The following FLNC variants were observed in gnomAD, a reference collection of about 807,000 sequenced individuals.
FLNC encodes filamin-C.
FLNC carries 91 observed loss-of-function variants against 254.3 expected under a neutral mutation model. The observed-to-expected ratio is 0.36, with a 90% confidence interval of 0.30 to 0.43. The LOEUF (loss-of-function observed/expected upper bound fraction) is 0.43, where lower values mean the gene tolerates loss of function less well. FLNC is among the 20% of genes least tolerant of loss of function. The pLI is 1.00. For missense variants in FLNC, 2,853 were observed against 3,802.6 expected (o/e 0.75, Z 6.57); for synonymous variants, 1,430 against 1,577.2 (o/e 0.91, Z 2.21).
In FLNC at chr7:128,858,375, C is replaced by G. The variant is rs1809159973; in HGVS notation, c.8030C>G (p.Thr2677Ser). The G allele has an allele frequency of 6.3e-7, 1 of 1,583,806 alleles. No individual in the cohort carries two copies. The highest frequency in any genetic ancestry group is 1.4e-5 in the African/African-American group (1 of 73,996). Residue 2677 changes from threonine to serine, a missense_variant, in exon 48 of 48, where the codon ACC (threonine) becomes AGC (serine). By Grantham distance (58) the Thr-to-Ser change is moderately conservative (BLOSUM62 1). Coordinates refer to ENST00000325888, the MANE Select transcript of FLNC (RefSeq NM_001458.5). The surrounding 1 kb of genome is among the most constrained non-coding windows in gnomAD (Gnocchi z 6.7). ...ATGGTGGGCGTGCACGGCCCCAAGA[C>G]CCCCTGTGAGGAGGTGTACGTGAAG... Reference protein sequence around the residue: ...MMMVGVHGPKTPCEEVYVKHM... With the variant: ...MMMVGVHGPKSPCEEVYVKHM...
chr7:128,846,569 C>T, intron 23 of FLNC, 106 bp downstream of exon 23: 2 of 1,470,806 alleles, frequency 1.4e-6, no homozygotes, highest in Non-Finnish European at 1.9e-6. Flanking sequence ...CATCCTCTCT[C>T]AGGGGTGAGG....
chr7:128,838,888 TCTG>T, intron 8 of FLNC, 85 bp downstream of exon 8: 1 of 1,301,428 alleles, frequency 7.7e-7, no homozygotes, highest in Non-Finnish European at 1.1e-6. Context: ...GGGGCGGGGG[TCTG>T]CAGAGACCCC....
rs766580034 is a variant in FLNC, at chr7:128,850,788, GTGTC to G, written c.5399-12_5399-9del. 8.7e-6 allele frequency: 14 copies of G among 1,613,600 alleles called. No individual in the cohort carries two copies. Among genetic ancestry groups the G allele is most frequent in the Non-Finnish European group, 1.2e-5 (14 of 1,180,030 alleles). On this transcript the variant is annotated splice_polypyrimidine_tract_variant and intron_variant, in intron 32 of 47. Coordinates refer to ENST00000325888, the MANE Select transcript of FLNC (RefSeq NM_001458.5). Reference sequence around the variant, plus strand: ...GGGAAACCAGGGTCTCCACGTAACTGTGTCTGCCCTGCAGGAGAGGTGCGGATGC... The same window carrying G: ...GGGAAACCAGGGTCTCCACGTAACTGTGCCCTGCAGGAGAGGTGCGGATGC...
Position 128,857,410 on chromosome 7 carries a change from C to T in FLNC, c.7780+74C>T. The T allele has an allele frequency of 2.2e-6, 2 of 900,946 alleles. No homozygotes were observed. Among genetic ancestry groups the T allele is most frequent in the Non-Finnish European group, 3.6e-6 (2 of 555,974 alleles). The allele number at this position is 900,946 out of a possible 1,614,324, so 55.8% of individuals were successfully genotyped here. On this transcript the variant is annotated intron_variant, in intron 46 of 47. Transcript: ENST00000325888. This position sits in a 1 kb window ranked among gnomAD's most constrained non-coding sequence, Gnocchi z 4.5. Reference sequence around the variant, plus strand: ...CCTGGAGGGCTCCGGTGGCCACGCACATCTAGGCCATAGTCTGCCCCCAGA... The same window carrying T: ...CCTGGAGGGCTCCGGTGGCCACGCATATCTAGGCCATAGTCTGCCCCCAGA...
At chr7:128,846,668 C>A in intron 23 of FLNC, 77 bp from the exon 24 acceptor site, 1 of 1,483,110 alleles carries the variant, frequency 6.7e-7, no homozygotes, top group Non-Finnish European at 9.2e-7. Flanking sequence ...CTCTTTCCTC[C>A]CTGTCCCCCC....
chr7:128,852,405 C>T (rs542569821), intron 35 of FLNC, among the ~76,000 whole-genome samples, 186 bp from the exon 36 acceptor site: 4 of 152,322 alleles, frequency 2.6e-5, no homozygotes, highest in Non-Finnish European at 4.4e-5. Flanking sequence ...ACAGGCCCCT[C>T]TTAGTCTCTG....
At position 128,846,726 on chromosome 7, in the gene FLNC, G is replaced by A. The variant is rs1456998951; in HGVS notation, c.4128-19G>A. On this transcript the variant is annotated intron_variant, in intron 23 of 47. Coordinates refer to ENST00000325888, the MANE Select transcript of FLNC (RefSeq NM_001458.5). The stretch of plus-strand genomic sequence containing the variant: ...ACTCACTGGTCTTATGAAGCTGATG[G>A]GGGGATGTTATCTCTCAGGGGAGCG... The A allele has an allele frequency of 6.2e-7, 1 of 1,611,988 alleles. No individual in the cohort carries two copies. The highest frequency in any genetic ancestry group is 8.5e-7 in the Non-Finnish European group (1 of 1,179,138).
chr7:128,832,256 G>T (rs529841079), intron 1 of FLNC, among the ~76,000 whole-genome samples: 228 of 152,272 alleles, frequency 1.5e-3, no homozygotes, highest in Non-Finnish European at 2.4e-3. Flanking sequence ...CCTGGAAATA[G>T]CCCTGCCTCC....
rs531355600 is a variant in FLNC at position 128,841,749 on chromosome 7, G to A, written c.2121+182G>A. Among the ~76,000 whole-genome samples, 221 of 152,348 alleles carry A rather than the reference G, an allele frequency of 1.5e-3. 1 individual carries two copies. Among genetic ancestry groups the A allele is most frequent in the Admixed American group, 5.7e-3 (87 of 15,300 alleles). On this transcript the variant is annotated intron_variant, in intron 13 of 47. Transcript: ENST00000325888. This position sits in a 1 kb window ranked among gnomAD's most constrained non-coding sequence, Gnocchi z 4.3. ...ATTTTAAATTTTGTGTTTTCTTAAC[G>A]ATGATAACCTAAAAACGTATTTTAC...
In FLNC at chr7:128,840,081, C is replaced by A. The variant is rs765212618; in HGVS notation, c.1470C>A (p.Arg490=). 1.9e-6 allele frequency: 3 copies of A among 1,614,130 alleles called. No individual in the cohort carries two copies. The highest frequency in any genetic ancestry group is 2.5e-6 in the Non-Finnish European group (3 of 1,180,034). ...GAGGCCTGCAGCCCAAGGGTGTTCG[C>A]GTGAAAGAGGTGGCTGACTTCAAGG... ...SGRGLQPKGV[R]VKEVADFKVF... is the part of the protein sequence containing the mutation. The change falls in exon 9 of 48, where the codon CGC becomes CGA. Residue 490 remains arginine (R), a synonymous_variant. Coordinates refer to ENST00000325888, the MANE Select transcript of FLNC (RefSeq NM_001458.5).
Position 128,838,335 on chromosome 7 carries a change from G to C in FLNC, c.1116G>C (p.Leu372=). 1 of 1,614,132 alleles carries C rather than the reference G, an allele frequency of 6.2e-7. No homozygotes were observed. The highest frequency in any genetic ancestry group is 8.5e-7 in the Non-Finnish European group (1 of 1,179,994). ...TTGAGGTGAACGTGGGCATGGCCCTGGGAGATGCCAACAAGGTGTCAGCCC... is the reference window on the plus strand; with the variant it reads ...TTGAGGTGAACGTGGGCATGGCCCTCGGAGATGCCAACAAGGTGTCAGCCC... The part of the protein sequence containing the change: ...SPFEVNVGMA[L]GDANKVSARG... Residue 372 remains leucine (L), a synonymous_variant, in exon 7 of 48, where the codon CTG becomes CTC. Coordinates refer to ENST00000325888, the MANE Select transcript of FLNC (RefSeq NM_001458.5).
rs1354261792 is a variant in FLNC, at chr7:128,835,424, G to A, written c.451G>A (p.Glu151Lys). 6.2e-7 allele frequency: 1 copy of A among 1,614,052 alleles called. No individual in the cohort carries two copies. The highest frequency in any genetic ancestry group is 1.1e-5 in the South Asian group (1 of 91,090). Residue 151 changes from glutamate to lysine, a missense_variant, in exon 2 of 48, where the codon GAA becomes AAA. Glu to Lys is a moderately conservative substitution (Grantham distance 56). Coordinates refer to ENST00000325888, the MANE Select transcript of FLNC (RefSeq NM_001458.5). The surrounding 1 kb of genome is among the most constrained non-coding windows in gnomAD (Gnocchi z 5.3). ...CATCTCCATGCCCATGTGGGAGGATGAAGATGATGAGGATGCCCGCAAACA... is the reference window on the plus strand; with the variant it reads ...CATCTCCATGCCCATGTGGGAGGATAAAGATGATGAGGATGCCCGCAAACA... The part of the protein sequence containing the change: ...YSISMPMWED[E>K]DDEDARKQTP...
intron 31 of FLNC, 45 bp from the exon 32 acceptor site, chr7:128,850,339 C>T: frequency 6.6e-7 from 1 of 1,508,718 alleles, no homozygotes; most frequent in Non-Finnish European, 9.2e-7. Context: ...GGTCAAACTC[C>T]TGGGCCTTCC....
intron 1 of FLNC, among the ~76,000 whole-genome samples, chr7:128,833,379 C>G (rs1254048249): frequency 6.6e-6 from 1 of 152,220 alleles, no homozygotes; most frequent in African/African-American, 2.4e-5. Flanking sequence ...TTGGGGGTAT[C>G]CCTAGGCAGA....
Position 128,832,932 on chromosome 7 carries a change from G to C in FLNC, c.352+1943G>C, listed in dbSNP as rs556659951. ...CCTACTCCATTTAGTGGTGGAAAGG[G>C]GCTATCCATGGGGCCACCTTCTGAG... On this transcript the variant is annotated intron_variant, in intron 1 of 47. Transcript: ENST00000325888. 2.6e-5 allele frequency among the ~76,000 whole-genome samples: 4 copies of C among 152,284 alleles called. No individual in the cohort carries two copies. In the South Asian group the frequency reaches 6.2e-4, roughly 24 times the overall value.
At chr7:128,855,658 T>G (rs55838084) in intron 43 of FLNC, among the ~76,000 whole-genome samples, 1,898 of 152,342 alleles carry the variant, frequency 0.012, 18 homozygotes, top group Middle Eastern at 0.051. Context: ...CTATACAAAC[T>G]AAGAGTAAAC....
At chr7:128,855,454 G>T in intron 43 of FLNC, 140 bp downstream of exon 43, 1 of 698,542 alleles carries the variant, frequency 1.4e-6, no homozygotes, top group Non-Finnish European at 2.6e-6. Context: ...AAGGCACGAG[G>T]CAGGGCCCTT....
chr7:128,854,538 C>T lies in FLNC; in HGVS notation c.6853C>T (p.Pro2285Ser). The change falls in exon 41 of 48, where the codon CCC becomes TCC. Residue 2285 changes from proline to serine, a missense_variant. Around this residue, in one of 10 missense-constraint regions of FLNC, gnomAD observed 551 missense variants for 835.0 expected, o/e 0.66. Transcript: ENST00000325888. The stretch of plus-strand genomic sequence containing the variant: ...GCGCTTTGTGCCCCAGGAAATGGGG[C>T]CCCATACGGTCGCTGTCAAGTACCG... ...SVRFVPQEMGPHTVAVKYRGQ... is the reference protein window; with the variant it reads ...SVRFVPQEMGSHTVAVKYRGQ... 6.2e-7 allele frequency: 1 copy of T among 1,607,112 alleles called. No homozygotes were observed. The highest frequency in any genetic ancestry group is 1.1e-5 in the South Asian group (1 of 89,950).
chr7:128,839,973 T>C (rs746426370), intron 8 of FLNC, 50 bp from the exon 9 acceptor site: 12 of 1,601,594 alleles, frequency 7.5e-6, no homozygotes, highest in Non-Finnish European at 8.5e-6. Context: ...TGGGGGCTAG[T>C]GGTCCAAGGC....
Sources: gnomAD v4.1 joint callset for allele counts (sites outside exome capture counted in the v4.1 genomes callset) on GRCh38, gnomAD v4.1.1 for gene constraint, gnomAD v4.1.1 regional missense constraint, Gnocchi (gnomAD v3.1) non-coding constraint, MANE v1.5 for transcripts, NCBI Gene and HGNC (gene_info 2026-07-23, HGNC 2026-07-21) for gene names.